INTS7: variants seen among roughly 807,000 people sequenced by gnomAD.
INTS7 encodes chromosome 1 open reading frame 73.
In INTS7, 46 loss-of-function variants were observed where a neutral mutation model predicts 109.2. The observed-to-expected ratio is 0.42, with a 90% CI of 0.33 to 0.54. The LOEUF is 0.54. INTS7 is among the 20% of genes least tolerant of loss of function. INTS7 has a pLI of 0.07. For missense variants in INTS7, 929 were observed against 1,132.4 expected (o/e 0.82, Z 2.58); for synonymous variants, 412 against 402.9 (o/e 1.02, Z -0.27).
chr1:211,962,952 A>G (rs1663705821), intron 16 of INTS7, among the ~76,000 whole-genome samples: 1 of 152,222 alleles, frequency 6.6e-6, no homozygotes, highest in African/African-American at 2.4e-5. Context: ...GTAACATCAC[A>G]ACTAAAAGAA....
intron 19 of INTS7, 94 bp downstream of exon 19, chr1:211,944,689 AC>A: frequency 1.0e-6 from 1 of 997,928 alleles, no homozygotes; most frequent in Non-Finnish European, 1.6e-6. Context: ...TGGAGGTATA[AC>A]TGCAATCTAT....
chr1:211,941,271 G>GA lies in INTS7; in HGVS notation c.*552dup, dbSNP rs1437209980. 1 of 152,482 alleles carries GA rather than the reference G, an allele frequency of 6.6e-6. No homozygotes were observed. The highest frequency in any genetic ancestry group is 1.5e-5 in the Non-Finnish European group (1 of 68,438). 9.4% of individuals were successfully genotyped at this position (152,482 alleles called of 1,614,324 possible). ...GTGATCTCAACATGTGACTATTCTT[G>GA]AAAGAAAAAAAAGCTTGGCAACAGA... On this transcript the variant is annotated 3_prime_UTR_variant, in exon 20 of 20. Coordinates refer to ENST00000366994, the MANE Select transcript of INTS7 (RefSeq NM_015434.4).
intron 7 of INTS7, among the ~76,000 whole-genome samples, chr1:211,990,927 T>G (rs1374965308): frequency 6.6e-6 from 1 of 152,062 alleles, no homozygotes; most frequent in East Asian, 1.9e-4. Context: ...TGGCAAATGG[T>G]AAACAAAATA....
rs1328319230 is a variant in INTS7, at chr1:211,941,023, G to C, written c.*801C>G. On this transcript the variant is annotated 3_prime_UTR_variant, in exon 20 of 20. Coordinates refer to ENST00000366994, the MANE Select transcript of INTS7 (RefSeq NM_015434.4). ...AATATGTGGTTGAACTAATACAGCA[G>C]GATGTTTCAATACTGTTAGACTGTG... The C allele has an allele frequency of 1.3e-5, 2 of 152,236 alleles. No homozygotes were observed. Among genetic ancestry groups the C allele is most frequent in the South Asian group, 2.1e-4 (1 of 4,836 alleles). 9.4% of individuals were successfully genotyped at this position (152,236 alleles called of 1,614,324 possible). A position where few individuals can be genotyped will look rare whatever the true frequency, so the allele number is the denominator to read the frequency against.
intron 7 of INTS7, among the ~76,000 whole-genome samples, chr1:212,001,128 G>A (rs183367772): frequency 3.6e-4 from 53 of 148,864 alleles, no homozygotes; most frequent in Admixed American, 3.4e-4. Flanking sequence ...GTGCAATGGC[G>A]CGATCTAGGC....
intron 5 of INTS7, 116 bp downstream of exon 5, chr1:212,011,259 T>C (rs1666156497): frequency 1.6e-6 from 1 of 620,428 alleles, no homozygotes; most frequent in Admixed American, 3.3e-5. Context: ...TAGAAGATAC[T>C]TAATAAATAT....
chr1:212,012,630 A>G (rs1666210449), intron 4 of INTS7, among the ~76,000 whole-genome samples: 2 of 152,200 alleles, frequency 1.3e-5, no homozygotes. Context: ...TTTTTAATAA[A>G]TTAGAAGTAC....
rs144508392 is a variant in INTS7 at position 211,969,632 on chromosome 1, T to C, written c.1816-925A>G. On this transcript the variant is annotated intron_variant, in intron 13 of 19. Transcript: ENST00000366994. ...GTGCAGTGGTACAATCATGTCTCAC[T>C]GCAGCCTCAACTTCCTGGGCTCAAA... 8.9e-5 allele frequency among the ~76,000 whole-genome samples: 13 copies of C among 146,196 alleles called. No homozygotes were observed. The East Asian group carries it at 2.7e-3, about 31-fold the overall frequency.
chr1:211,970,700 A>C lies in INTS7; in HGVS notation c.1816-1993T>G, dbSNP rs538737762. Among the ~76,000 whole-genome samples, 15 of 152,334 alleles carry C rather than the reference A, an allele frequency of 9.8e-5. No homozygotes were observed. In the South Asian group the frequency reaches 1.4e-3, roughly 15 times the overall value. On this transcript the variant is annotated intron_variant, in intron 13 of 19. Coordinates refer to ENST00000366994, the MANE Select transcript of INTS7 (RefSeq NM_015434.4). Reference sequence around the variant, plus strand: ...CACAAATGGTCAAACATATGAAACAAATGTCTAATTGTATTAGTAATCCGG... The same window carrying C: ...CACAAATGGTCAAACATATGAAACACATGTCTAATTGTATTAGTAATCCGG...
At chr1:211,944,744 A>G (rs1662779951) in intron 19 of INTS7, 40 bp downstream of exon 19, 2 of 1,536,132 alleles carry the variant, frequency 1.3e-6, no homozygotes, top group African/African-American at 1.4e-5. Flanking sequence ...ATGAGCTCAT[A>G]TAAAACCTGT....
chr1:211,955,982 A>G (rs1377323186), intron 16 of INTS7, among the ~76,000 whole-genome samples: 1 of 152,192 alleles, frequency 6.6e-6, no homozygotes, highest in African/African-American at 2.4e-5. Flanking sequence ...AAACAATTCC[A>G]TTTCTGGTGG....
chr1:212,032,770 C>T (rs560654419), intron 1 of INTS7, among the ~76,000 whole-genome samples: 3 of 152,324 alleles, frequency 2.0e-5, no homozygotes, highest in South Asian at 2.1e-4. Context: ...TGAACCACCA[C>T]GCCCGACTGA....
chr1:211,986,786 A>G (rs1051566412), intron 8 of INTS7, among the ~76,000 whole-genome samples: 1 of 152,224 alleles, frequency 6.6e-6, no homozygotes, highest in Non-Finnish European at 1.5e-5. Flanking sequence ...TCCAAGCCAC[A>G]TGTAAGCACA....
At chr1:212,026,704 G>C (rs889240045) in intron 1 of INTS7, among the ~76,000 whole-genome samples, 2 of 152,128 alleles carry the variant, frequency 1.3e-5, no homozygotes, top group African/African-American at 2.4e-5. Context: ...GTTGGCAAAG[G>C]GGTTGAAAAA....
chr1:211,992,149 C>A (rs1278829631), intron 7 of INTS7, among the ~76,000 whole-genome samples: 3 of 152,068 alleles, frequency 2.0e-5, no homozygotes, highest in African/African-American at 7.2e-5. Flanking sequence ...AATTGGCCTG[C>A]CTTGTACTGT....
chr1:211,947,509 C>T (rs1320293992), intron 17 of INTS7, among the ~76,000 whole-genome samples: 1 of 152,166 alleles, frequency 6.6e-6, no homozygotes, highest in East Asian at 1.9e-4. Context: ...AGTCTACTCC[C>T]GTCTCAGTGG....
rs745310886 is a variant in INTS7, at chr1:211,978,282, T to C, written c.1460A>G (p.Gln487Arg). The C allele has an allele frequency of 1.2e-6, 2 of 1,614,130 alleles. No homozygotes were observed. ...AAATGGGCTTTTTACCAGAAGTTCT[T>C]GTTGCTTGTCTGTGGCTGATCGTCC... The part of the protein sequence containing the change: ...VIGRSATDKQ[Q>R]ELLVSLATVI... The change falls in exon 11 of 20, where the codon CAA becomes CGA. Residue 487 changes from glutamine to arginine, a missense_variant. Gln to Arg is a conservative substitution (Grantham distance 43). This residue lies in a region of INTS7 where 787 missense variants were observed against 901.1 expected (regional missense o/e 0.87). Coordinates refer to ENST00000366994, the MANE Select transcript of INTS7 (RefSeq NM_015434.4).
At chr1:211,967,848 A>G in intron 15 of INTS7, 30 bp downstream of exon 15, 1 of 1,205,562 alleles carries the variant, frequency 8.3e-7, no homozygotes, top group Non-Finnish European at 1.2e-6. Flanking sequence ...TCCAAAAAGA[A>G]CAAGAAGTAC....
intron 8 of INTS7, 37 bp downstream of exon 8, chr1:211,987,849 C>A: frequency 1.7e-6 from 2 of 1,163,046 alleles, no homozygotes; most frequent in Non-Finnish European, 1.3e-6. Context: ...AAGGAGTTAG[C>A]ACATTATTTA....
Sources: gnomAD v4.1 joint callset for allele counts (sites outside exome capture counted in the v4.1 genomes callset) on GRCh38, gnomAD v4.1.1 for gene constraint, gnomAD v4.1.1 regional missense constraint, MANE v1.5 for transcripts, NCBI Gene and HGNC (gene_info 2026-07-23, HGNC 2026-07-21) for gene names.